EML6: variants seen among roughly 807,000 people sequenced by gnomAD.
EML6 encodes the protein echinoderm microtubule-associated protein-like 6.
In EML6, 154 loss-of-function variants were observed where a neutral mutation model predicts 240.1. That is an observed-to-expected ratio of 0.64 (90% CI 0.56 to 0.73). The LOEUF (loss-of-function observed/expected upper bound fraction) is 0.73, where lower values mean the gene tolerates loss of function less well. EML6 is among the 30% of genes least tolerant of loss of function. EML6 has a pLI of 0.00. For synonymous variants in EML6, 1,148 were observed against 899.0 expected (o/e 1.28, Z -4.95); for missense variants, 2,964 against 2,474.6 (o/e 1.20, Z -4.20).
chr2:54,775,902 A>G (rs1250169465), intron 2 of EML6, among the ~76,000 whole-genome samples: 1 of 152,216 alleles, frequency 6.6e-6, no homozygotes, highest in Non-Finnish European at 1.5e-5. Context: ...TCTAATATTG[A>G]GCCATCCTTG....
rs193299359 is a variant in EML6, at chr2:54,838,447, C to T, written c.848-5600C>T. Among the ~76,000 whole-genome samples the T allele has an allele frequency of 1.6e-3, 242 of 152,312 alleles. 1 individual carries two copies. Among genetic ancestry groups the T allele is most frequent in the Non-Finnish European group, 3.0e-3 (205 of 68,034 alleles). On this transcript the variant is annotated intron_variant, in intron 7 of 41. Coordinates refer to ENST00000356458, the MANE Select transcript of EML6 (RefSeq NM_001039753.4). ...CGATATGAATGACTAAATACCTTACCATGTCACACAGCTGGCAACGGCTGG... is the reference window on the plus strand; with the variant it reads ...CGATATGAATGACTAAATACCTTACTATGTCACACAGCTGGCAACGGCTGG...
chr2:54,899,248 G>C (rs188047580), intron 21 of EML6, among the ~76,000 whole-genome samples: 1 of 152,328 alleles, frequency 6.6e-6, no homozygotes, highest in East Asian at 1.9e-4. Flanking sequence ...GAAGTGGTTT[G>C]TGTCCTTGTG....
In EML6 at chr2:54,813,357, G is replaced by A; in HGVS notation, c.323G>A (p.Gly108Glu). The change falls in exon 3 of 42, where the codon GGA becomes GAA. Residue 108 changes from glycine (G) to glutamate (E), a missense_variant. Coordinates refer to ENST00000356458, the MANE Select transcript of EML6 (RefSeq NM_001039753.4). ...VSLLKDVHTHGVACLAFDSDG... is the reference protein window; with the variant it reads ...VSLLKDVHTHEVACLAFDSDG... ...CTTCTTAAAGATGTCCATACACATG[G>A]AGTTGCCTGCCTGGCTTTTGACTCA... 6.4e-7 allele frequency: 1 copy of A among 1,551,680 alleles called. No homozygotes were observed. The highest frequency in any genetic ancestry group is 8.7e-7 in the Non-Finnish European group (1 of 1,146,868).
At chr2:54,796,074 A>G (rs1273483855) in intron 2 of EML6, among the ~76,000 whole-genome samples, 1 of 152,180 alleles carries the variant, frequency 6.6e-6, no homozygotes, top group East Asian at 1.9e-4. Context: ...TCTCAGAGAA[A>G]AATTATAACA....
At chr2:54,820,533 G>C (rs923272930) in intron 5 of EML6, 71 bp downstream of exon 5, 1 of 884,664 alleles carries the variant, frequency 1.1e-6, no homozygotes, top group Non-Finnish European at 1.8e-6. Context: ...TAGATAATTT[G>C]ATGTTGAGAG....
chr2:54,802,636 C>CTACTACTACTACTACTACTACTACTAT (rs1470125549), intron 2 of EML6, among the ~76,000 whole-genome samples: 10 of 147,114 alleles, frequency 6.8e-5, no homozygotes, highest in Non-Finnish European at 1.0e-4. Flanking sequence ...ACTACTACTA[C>CTACTACTACTACTACTACTACTACTAT]TACTACTACT....
At chr2:54,939,416 C>A (rs1173551092) in intron 28 of EML6, among the ~76,000 whole-genome samples, 1 of 152,214 alleles carries the variant, frequency 6.6e-6, no homozygotes, top group Admixed American at 6.5e-5. Flanking sequence ...GAGGATCAGG[C>A]AACTCTCCTT....
chr2:54,920,613 C>T (rs1041212535), intron 26 of EML6, among the ~76,000 whole-genome samples: 1 of 151,330 alleles, frequency 6.6e-6, no homozygotes, highest in Non-Finnish European at 1.5e-5. Flanking sequence ...TAAACTCTTT[C>T]AAAAAAAGAA....
chr2:54,723,965 G>A (rs1373025227), intron 1 of EML6, among the ~76,000 whole-genome samples, 188 bp downstream of exon 1: 4 of 152,186 alleles, frequency 2.6e-5, no homozygotes, highest in Non-Finnish European at 4.4e-5. Flanking sequence ...GGGTCCCTCG[G>A]GCGACCCCTC....
intron 21 of EML6, among the ~76,000 whole-genome samples, chr2:54,897,235 C>T (rs1419434988): frequency 1.3e-5 from 2 of 152,156 alleles, no homozygotes; most frequent in African/African-American, 4.8e-5. Flanking sequence ...TATTTTGTTA[C>T]ACTTGAGGTA....
intron 2 of EML6, among the ~76,000 whole-genome samples, chr2:54,745,423 G>C (rs1447196200): frequency 2.0e-5 from 3 of 152,132 alleles, no homozygotes; most frequent in Non-Finnish European, 2.9e-5. Context: ...CCTGCCAGGA[G>C]ATACTGATGG....
intron 8 of EML6, among the ~76,000 whole-genome samples, chr2:54,845,965 AT>A (rs1287986867): frequency 2.6e-5 from 4 of 152,208 alleles, no homozygotes; most frequent in African/African-American, 9.7e-5. Context: ...AGATACCACA[AT>A]TGCACCCAAC....
intron 19 of EML6, among the ~76,000 whole-genome samples, chr2:54,893,209 C>T (rs1369015521): frequency 6.6e-6 from 1 of 152,158 alleles, no homozygotes; most frequent in Non-Finnish European, 1.5e-5. Context: ...CTTGCAGTGT[C>T]CCTCTACAAA....
chr2:54,933,020 A>G (rs1225452747), intron 28 of EML6, among the ~76,000 whole-genome samples: 1 of 152,178 alleles, frequency 6.6e-6, no homozygotes, highest in Non-Finnish European at 1.5e-5. Context: ...AGAGAACTCA[A>G]ATCTTGCTGC....
At chr2:54,785,199 G>A (rs925044159) in intron 2 of EML6, among the ~76,000 whole-genome samples, 4 of 142,070 alleles carry the variant, frequency 2.8e-5, no homozygotes, top group South Asian at 2.2e-4. Flanking sequence ...TTTTTAAGAC[G>A]GAGTCTCACT....
chr2:54,912,972 G>A (rs752937486), intron 25 of EML6, among the ~76,000 whole-genome samples: 6 of 151,742 alleles, frequency 4.0e-5, no homozygotes, highest in African/African-American at 1.5e-4. Flanking sequence ...TAAGTTCTTT[G>A]AGAAATCTCC....
intron 4 of EML6, among the ~76,000 whole-genome samples, chr2:54,817,497 G>A (rs1467286540): frequency 6.6e-6 from 1 of 152,106 alleles, no homozygotes; most frequent in Non-Finnish European, 1.5e-5. Flanking sequence ...TTGCATGACT[G>A]TCTTACTTGA....
At chr2:54,961,446 C>T (rs1312256999) in intron 35 of EML6, among the ~76,000 whole-genome samples, 1 of 151,578 alleles carries the variant, frequency 6.6e-6, no homozygotes, top group Non-Finnish European at 1.5e-5. Flanking sequence ...CACGGCCTCC[C>T]AAAGTGCTGG....
At chr2:54,791,226 C>G (rs73936466) in intron 2 of EML6, among the ~76,000 whole-genome samples, 1 of 152,106 alleles carries the variant, frequency 6.6e-6, no homozygotes, top group Non-Finnish European at 1.5e-5. Context: ...ACAGATGATG[C>G]CAGTACATGC....
Sources: gnomAD v4.1 joint callset for allele counts (sites outside exome capture counted in the v4.1 genomes callset) on GRCh38, gnomAD v4.1.1 for gene constraint, MANE v1.5 for transcripts, NCBI Gene and HGNC (gene_info 2026-07-23, HGNC 2026-07-21) for gene names.